Variants in SORCS3 observed in about 807,000 individuals in gnomAD.
The protein encoded by SORCS3 is VPS10 domain-containing receptor SorCS3.
Under a neutral mutation model 146.3 loss-of-function variants are expected in SORCS3, and 57 were observed. That is an observed-to-expected ratio of 0.39 (90% CI 0.31 to 0.49). SORCS3 has a LOEUF of 0.49. Ranked by LOEUF, SORCS3 falls within the 20% of genes least tolerant of loss-of-function variation. The pLI is 0.92. For synonymous variants in SORCS3, 653 were observed against 618.5 expected (o/e 1.06, Z -0.83); for missense variants, 1,341 against 1,575.5 (o/e 0.85, Z 2.52).
intron 6 of SORCS3, among the ~76,000 whole-genome samples, chr10:105,101,854 C>T (rs1287739406): frequency 6.6e-6 from 1 of 152,216 alleles, no homozygotes; most frequent in Non-Finnish European, 1.5e-5. Context: ...GCCATATCAA[C>T]ACCTGTGGTT....
intron 23 of SORCS3, among the ~76,000 whole-genome samples, chr10:105,255,096 G>A (rs1040422250): frequency 6.7e-6 from 1 of 149,542 alleles, no homozygotes; most frequent in Non-Finnish European, 1.5e-5. Flanking sequence ...GCTGAGGCAG[G>A]AGAATGGCGT....
intron 6 of SORCS3, among the ~76,000 whole-genome samples, chr10:105,102,076 G>A (rs1314230783): frequency 1.3e-5 from 2 of 152,166 alleles, no homozygotes; most frequent in Admixed American, 1.3e-4. Context: ...AGACAAAAAG[G>A]AAGGGGCATA....
intron 3 of SORCS3, among the ~76,000 whole-genome samples, chr10:104,972,422 C>T (rs2054865958): frequency 6.6e-6 from 1 of 152,100 alleles, no homozygotes. Flanking sequence ...TGCTCAAGGA[C>T]CTTTGGGGCT....
At chr10:105,208,792 G>A (rs779362630) in intron 16 of SORCS3, among the ~76,000 whole-genome samples, 7 of 152,102 alleles carry the variant, frequency 4.6e-5, no homozygotes, top group African/African-American at 1.7e-4. Context: ...TTTCTGAGAT[G>A]TTAACTGTGA....
At chr10:105,137,227 C>T (rs567138599) in intron 7 of SORCS3, among the ~76,000 whole-genome samples, 1 of 152,212 alleles carries the variant, frequency 6.6e-6, no homozygotes, top group South Asian at 2.1e-4. Context: ...TTCTCGGATG[C>T]TGGTCTGCTT....
At chr10:104,739,275 A>T (rs999188342) in intron 1 of SORCS3, among the ~76,000 whole-genome samples, 1 of 150,672 alleles carries the variant, frequency 6.6e-6, no homozygotes, top group African/African-American at 2.5e-5. Context: ...GAGAAACAGA[A>T]GTTGTATTTG....
chr10:104,694,309 A>G (rs899135678), intron 1 of SORCS3, among the ~76,000 whole-genome samples: 1 of 151,620 alleles, frequency 6.6e-6, no homozygotes, highest in African/African-American at 2.4e-5. Flanking sequence ...GTGACAGGGT[A>G]TTAGGGAAGG....
chr10:105,263,376 A>T lies in SORCS3; in HGVS notation c.*2A>T, dbSNP rs1327154467. 1 of 1,613,846 alleles carries T rather than the reference A, an allele frequency of 6.2e-7. No individual in the cohort carries two copies. The highest frequency in any genetic ancestry group is 1.3e-5 in the African/African-American group (1 of 74,930). On this transcript the variant is annotated 3_prime_UTR_variant, in exon 27 of 27. Coordinates refer to ENST00000369701, the MANE Select transcript of SORCS3 (RefSeq NM_014978.3). ...ATCCCCAACTGCACTAGTGTTTAAT[A>T]CCAGCAAGCCACGTGGTCAACCACC...
chr10:105,056,999 A>G (rs1322113282), intron 5 of SORCS3, among the ~76,000 whole-genome samples: 1 of 152,190 alleles, frequency 6.6e-6, no homozygotes, highest in Non-Finnish European at 1.5e-5. Context: ...CATAAGGATC[A>G]TTTTGGTAGT....
At chr10:105,129,114 T>C (rs947314279) in intron 7 of SORCS3, among the ~76,000 whole-genome samples, 2 of 152,210 alleles carry the variant, frequency 1.3e-5, no homozygotes, top group South Asian at 4.1e-4. Flanking sequence ...TGGGATACTA[T>C]AGAAAAGAAA....
intron 4 of SORCS3, among the ~76,000 whole-genome samples, chr10:105,012,300 G>A (rs1369370887): frequency 1.3e-5 from 2 of 152,120 alleles, no homozygotes; most frequent in Non-Finnish European, 2.9e-5. Flanking sequence ...AACAATGTGA[G>A]GAAACTGGAG....
chr10:104,641,859 G>A lies in SORCS3; in HGVS notation c.532G>A (p.Ala178Thr). The A allele has an allele frequency of 6.3e-7, 1 of 1,577,324 alleles. No individual in the cohort carries two copies. ...GGCGCCGCGGGCTGGGGGGTCGGCG[G>A]CTGAAGACCTCCGGCTGCCCAGCAC... ...VKAPRAGGSA[A>T]EDLRLPSTSF... Residue 178 changes from alanine (A) to threonine (T), a missense_variant, in exon 1 of 27, where the codon GCT becomes ACT. By Grantham distance (58) the Ala-to-Thr change is moderately conservative. Transcript: ENST00000369701. This position sits in a 1 kb window ranked among gnomAD's most constrained non-coding sequence, Gnocchi z 6.4.
At chr10:104,673,374 T>C (rs1340095600) in intron 1 of SORCS3, among the ~76,000 whole-genome samples, 1 of 152,120 alleles carries the variant, frequency 6.6e-6, no homozygotes, top group African/African-American at 2.4e-5. Flanking sequence ...GTGTGTTTAG[T>C]TGATATTTTT....
At chr10:105,129,106 G>A (rs2055997139) in intron 7 of SORCS3, among the ~76,000 whole-genome samples, 1 of 151,760 alleles carries the variant, frequency 6.6e-6, no homozygotes, top group Non-Finnish European at 1.5e-5. Flanking sequence ...TGAAGTACTG[G>A]GATACTATAG....
intron 2 of SORCS3, among the ~76,000 whole-genome samples, chr10:104,850,137 T>G (rs1461669174): frequency 6.6e-6 from 1 of 152,220 alleles, no homozygotes; most frequent in Non-Finnish European, 1.5e-5. Flanking sequence ...TCCCAAATAA[T>G]TAACATGGAA....
chr10:105,016,165 T>TTTTC (rs2055166284), intron 4 of SORCS3, among the ~76,000 whole-genome samples: 1 of 125,504 alleles, frequency 8.0e-6, no homozygotes, highest in Non-Finnish European at 1.7e-5. Flanking sequence ...ATTTTTTTTT[T>TTTTC]TTTTTGAGAT....
chr10:105,158,800 G>C (rs2056234584), intron 10 of SORCS3, 92 bp from the exon 11 acceptor site: 1 of 933,716 alleles, frequency 1.1e-6, no homozygotes, highest in Non-Finnish European at 1.7e-6. Context: ...GCTATTTCTG[G>C]GAGCTGAACA....
At chr10:104,657,155 A>G (rs1434062678) in intron 1 of SORCS3, among the ~76,000 whole-genome samples, 1 of 152,100 alleles carries the variant, frequency 6.6e-6, no homozygotes, top group Non-Finnish European at 1.5e-5. Flanking sequence ...AACATAGCCT[A>G]TTGGTCTCAG....
At chr10:104,814,976 A>G (rs888953878) in intron 1 of SORCS3, among the ~76,000 whole-genome samples, 2 of 152,098 alleles carry the variant, frequency 1.3e-5, no homozygotes, top group East Asian at 1.9e-4. Flanking sequence ...GAGAGCCTCA[A>G]AGATGCTCTC....
Sources: gnomAD v4.1 joint callset for allele counts (sites outside exome capture counted in the v4.1 genomes callset) on GRCh38, gnomAD v4.1.1 for gene constraint, Gnocchi (gnomAD v3.1) non-coding constraint, MANE v1.5 for transcripts, NCBI Gene and HGNC (gene_info 2026-07-23, HGNC 2026-07-21) for gene names.